The following ZNF608 variants were observed in gnomAD, a reference collection of about 807,000 sequenced individuals.
The protein encoded by ZNF608 is zinc finger protein 608, also known as renal carcinoma antigen NY-REN-36.
ZNF608 carries 12 observed loss-of-function variants against 109.0 expected under a neutral mutation model. That is an observed-to-expected ratio of 0.11 (90% confidence interval 0.07 to 0.18). The LOEUF (loss-of-function observed/expected upper bound fraction) is 0.18. Ranked by LOEUF, ZNF608 falls within the 10% of genes least tolerant of loss-of-function variation. The probability of loss-of-function intolerance (pLI) is 1.00; values close to 1 mark genes in which losing one functional copy is unlikely to be tolerated. For missense variants in ZNF608, 1,707 were observed against 1,879.3 expected (o/e 0.91, Z 1.70); for synonymous variants, 732 against 717.4 (o/e 1.02, Z -0.33).
intron 3 of ZNF608, among the ~76,000 whole-genome samples, chr5:124,650,447 C>CA (rs1364375654): frequency 1.3e-5 from 2 of 152,222 alleles, no homozygotes; most frequent in African/African-American, 4.8e-5. Context: ...GCATTTGCCT[C>CA]AGAGGATTAG....
Position 124,648,959 on chromosome 5 carries a change from A to G in ZNF608, c.1425T>C (p.Asn475=), listed in dbSNP as rs1265953693. 1 of 1,614,052 alleles carries G rather than the reference A, an allele frequency of 6.2e-7. No homozygotes were observed. The highest frequency in any genetic ancestry group is 2.2e-5 in the East Asian group (1 of 44,876). Residue 475 remains asparagine, a synonymous_variant, in exon 5 of 10, where the codon AAT becomes AAC. Coordinates refer to ENST00000513986, the MANE Select transcript of ZNF608 (RefSeq NM_020747.3). ...TTGGGGGTGTCCTTCGTCCGCTGGC[A>G]TTGAGGCTGCCCCGCCTCCCTTTCC... is the stretch of plus-strand genomic sequence containing the variant. ...ANGKGRRGSL[N]ASGRRTPPNC...
At chr5:124,700,115 T>C (rs1354159679) in intron 3 of ZNF608, among the ~76,000 whole-genome samples, 1 of 152,190 alleles carries the variant, frequency 6.6e-6, no homozygotes, top group Non-Finnish European at 1.5e-5. Flanking sequence ...CATTTTTCTT[T>C]GTTCTCTGGT....
In ZNF608 at chr5:124,648,510, G is replaced by T; in HGVS notation, c.1874C>A (p.Pro625Gln). 6.2e-7 allele frequency: 1 copy of T among 1,614,136 alleles called. No individual in the cohort carries two copies. Among genetic ancestry groups the T allele is most frequent in the Non-Finnish European group, 8.5e-7 (1 of 1,180,028 alleles). The change falls in exon 5 of 10, where the codon CCG becomes CAG. Residue 625 changes from proline to glutamine, a missense_variant. Pro to Gln is a moderately conservative substitution (Grantham distance 76). This residue lies in a region of ZNF608 where 1,073 missense variants were observed against 1,133.5 expected (regional missense o/e 0.95). Coordinates refer to ENST00000513986, the MANE Select transcript of ZNF608 (RefSeq NM_020747.3). ...TGGGTTTCCAGCACCAGGGGATGCC[G>T]GTGCCTTCAACTGGTCATAAGCAGA... ...SVSAYDQLKA[P>Q]ASPGAGNPPG...
intron 2 of ZNF608, among the ~76,000 whole-genome samples, chr5:124,705,409 G>A (rs1385117334): frequency 6.6e-6 from 1 of 152,092 alleles, no homozygotes; most frequent in Non-Finnish European, 1.5e-5. Flanking sequence ...TAAGAAATGG[G>A]AGTAATAATA....
At chr5:124,683,010 C>T (rs1015319397) in intron 3 of ZNF608, among the ~76,000 whole-genome samples, 1 of 129,896 alleles carries the variant, frequency 7.7e-6, no homozygotes, top group Non-Finnish European at 1.6e-5. Context: ...ATTTTGGGTG[C>T]TCTGTCTCTC....
chr5:124,728,859 C>T (rs1748750500), intron 2 of ZNF608, among the ~76,000 whole-genome samples: 1 of 152,170 alleles, frequency 6.6e-6, no homozygotes, highest in Non-Finnish European at 1.5e-5. Context: ...CCCATAACCT[C>T]ACCTTCTGTC....
chr5:124,652,859 A>G (rs1275567049), intron 3 of ZNF608, among the ~76,000 whole-genome samples: 1 of 152,252 alleles, frequency 6.6e-6, no homozygotes, highest in African/African-American at 2.4e-5. Flanking sequence ...TATTTTATAA[A>G]TCTGGGCATA....
At chr5:124,688,149 C>T in intron 3 of ZNF608, among the ~76,000 whole-genome samples, 1 of 152,076 alleles carries the variant, frequency 6.6e-6, no homozygotes, top group Non-Finnish European at 1.5e-5. Context: ...AATTTTCTCC[C>T]TTGAGTGTTT....
intron 3 of ZNF608, among the ~76,000 whole-genome samples, chr5:124,666,579 A>G (rs1481487117): frequency 2.0e-5 from 3 of 152,196 alleles, no homozygotes; most frequent in Admixed American, 2.0e-4. Context: ...ATGGAAAGAA[A>G]AAAACTTCAA....
chr5:124,677,498 A>C lies in ZNF608; in HGVS notation c.1162+23516T>G, dbSNP rs190457992. ...ATTCGCGTACAAGGGTATACTTTAC[A>C]GGAAACCAAGGATTAATTTTCCCAA... is the stretch of plus-strand genomic sequence containing the variant. On this transcript the variant is annotated intron_variant, in intron 3 of 9. Transcript: ENST00000513986. Among the ~76,000 whole-genome samples, 180 of 152,326 alleles carry C rather than the reference A, an allele frequency of 1.2e-3. 2 individuals are homozygous for C. The highest frequency in any genetic ancestry group is 2.9e-4 in the Non-Finnish European group (20 of 68,022).
At chr5:124,692,954 C>T (rs1460884159) in intron 3 of ZNF608, among the ~76,000 whole-genome samples, 1 of 152,054 alleles carries the variant, frequency 6.6e-6, no homozygotes, top group Non-Finnish European at 1.5e-5. Context: ...ATAAAAACAA[C>T]AAAGAATCAA....
intron 3 of ZNF608, among the ~76,000 whole-genome samples, chr5:124,664,090 T>C (rs1404618215): frequency 6.6e-6 from 1 of 152,228 alleles, no homozygotes; most frequent in African/African-American, 2.4e-5. Context: ...AAAACATATT[T>C]TGTAAAGCAT....
At chr5:124,722,380 T>C (rs1753961487) in intron 2 of ZNF608, among the ~76,000 whole-genome samples, 1 of 152,146 alleles carries the variant, frequency 6.6e-6, no homozygotes, top group South Asian at 2.1e-4. Context: ...GCAGGGATGT[T>C]TCTGCCCTAA....
chr5:124,675,115 T>C (rs1383922101), intron 3 of ZNF608, among the ~76,000 whole-genome samples: 1 of 152,178 alleles, frequency 6.6e-6, no homozygotes, highest in African/African-American at 2.4e-5. Flanking sequence ...TGAAGGAGAC[T>C]GCAACTCAGC....
chr5:124,647,583 G>A lies in ZNF608; in HGVS notation c.2801C>T (p.Thr934Ile). The A allele has an allele frequency of 6.2e-7, 1 of 1,614,242 alleles. No homozygotes were observed. The highest frequency in any genetic ancestry group is 8.5e-7 in the Non-Finnish European group (1 of 1,180,050). ...QNGAESSAAK[T>I]SSPAYSDISD... ...TATGTCTGAATAGGCCGGGCTGCTT[G>A]TCTTTGCAGCTGAACTCTCTGCCCC... Residue 934 changes from threonine to isoleucine, a missense_variant, in exon 5 of 10, where the codon ACA (threonine) becomes ATA (isoleucine). By Grantham distance (89) the Thr-to-Ile change is moderately conservative. This residue lies in a region of ZNF608 where 1,073 missense variants were observed against 1,133.5 expected (regional missense o/e 0.95). Coordinates refer to ENST00000513986, the MANE Select transcript of ZNF608 (RefSeq NM_020747.3).
Position 124,744,798 on chromosome 5 carries a change from A to G in ZNF608, c.192T>C (p.Asp64=), listed in dbSNP as rs1580731407. The G allele has an allele frequency of 2.5e-6, 4 of 1,614,086 alleles. No homozygotes were observed. The highest frequency in any genetic ancestry group is 2.2e-5 in the East Asian group (1 of 44,874). ...CCCCACTGGAGGCCGGACCTCCACAATCCTTGGAGTTGCTGCTACTAGTGG... is the reference window on the plus strand; with the variant it reads ...CCCCACTGGAGGCCGGACCTCCACAGTCCTTGGAGTTGCTGCTACTAGTGG... ...TTTTSSSNSK[D]CGGPASSGAG... The change falls in exon 2 of 10, where the codon GAT becomes GAC. Residue 64 remains aspartate, a synonymous_variant. Transcript: ENST00000513986. The surrounding 1 kb of genome is among the most constrained non-coding windows in gnomAD (Gnocchi z 4.5).
At chr5:124,741,199 G>A (rs201154190) in intron 2 of ZNF608, among the ~76,000 whole-genome samples, 39 of 152,106 alleles carry the variant, frequency 2.6e-4, no homozygotes, top group African/African-American at 8.9e-4. Context: ...CAACATACTT[G>A]TGGTTTCCAC....
Position 124,641,381 on chromosome 5 carries a change from G to T in ZNF608, c.4321C>A (p.Arg1441=), listed in dbSNP as rs774073868. ...CTTTCCCTTTCTGCCTCCCGTTCCC[G>T]CTCAGCTGTAGCCTTTTCCACAGGC... ...PAPVEKATAE[R]EREAERERDR... The change falls in exon 8 of 10, where the codon CGG becomes AGG. Residue 1441 remains arginine (R), a synonymous_variant. Coordinates refer to ENST00000513986, the MANE Select transcript of ZNF608 (RefSeq NM_020747.3). 2 of 1,613,606 alleles carry T rather than the reference G, an allele frequency of 1.2e-6. No individual in the cohort carries two copies. Among genetic ancestry groups the T allele is most frequent in the African/African-American group, 1.3e-5 (1 of 74,864 alleles).
chr5:124,654,836 C>G (rs1195339386), intron 3 of ZNF608, among the ~76,000 whole-genome samples: 1 of 152,202 alleles, frequency 6.6e-6, no homozygotes, highest in Non-Finnish European at 1.5e-5. Context: ...GGCAGAGTCT[C>G]CTTCATCTGG....
Sources: allele counts gnomAD v4.1 joint callset (sites outside exome capture counted in the v4.1 genomes callset), GRCh38; gene constraint gnomAD v4.1.1; regional missense constraint gnomAD v4.1.1; non-coding constraint Gnocchi (gnomAD v3.1); transcripts MANE v1.5; gene names NCBI Gene and HGNC (gene_info 2026-07-23, HGNC 2026-07-21).